The following P4HA1 variants were observed in gnomAD, a reference collection of about 807,000 sequenced individuals.
P4HA1 encodes the protein prolyl 4-hydroxylase subunit alpha 1.
Under a neutral mutation model 72.8 loss-of-function variants are expected in P4HA1, and 24 were observed. The observed-to-expected ratio is 0.33, with a 90% confidence interval of 0.24 to 0.46. The LOEUF (loss-of-function observed/expected upper bound fraction) is 0.46. Among genes scored for constraint, P4HA1 ranks in the 20% least tolerant of loss-of-function variants. The pLI is 1.00. For synonymous variants in P4HA1, 201 were observed against 218.8 expected (o/e 0.92, Z 0.72); for missense variants, 446 against 640.6 (o/e 0.70, Z 3.28).
intron 1 of P4HA1, among the ~76,000 whole-genome samples, chr10:73,093,562 G>A (rs7915269): frequency 0.07 from 10,596 of 151,750 alleles, 625 homozygotes; most frequent in East Asian, 0.3. Context: ...AGCTTTGGCC[G>A]GGCACGGTGG....
intron 14 of P4HA1, 187 bp downstream of exon 14, chr10:73,009,619 AT>A (rs1839868874): frequency 2.6e-6 from 1 of 384,302 alleles, no homozygotes; most frequent in Non-Finnish European, 4.4e-6. Flanking sequence ...ATAGTTAAAA[AT>A]AAAATCTGTC....
intron 4 of P4HA1, among the ~76,000 whole-genome samples, chr10:73,070,842 A>G (rs1841541926): frequency 6.6e-6 from 1 of 152,186 alleles, no homozygotes; most frequent in South Asian, 2.1e-4. Flanking sequence ...ATTATAAAAC[A>G]ACTTAGTTCA....
intron 9 of P4HA1, among the ~76,000 whole-genome samples, chr10:73,032,790 G>A (rs1840463328): frequency 6.6e-6 from 1 of 152,174 alleles, no homozygotes; most frequent in Non-Finnish European, 1.5e-5. Context: ...AAGAGAGAGA[G>A]CAAGAGAGAG....
In P4HA1 at chr10:73,007,646, G is replaced by A. The variant is rs1396371950; in HGVS notation, c.*576C>T. 6.6e-6 allele frequency: 1 copy of A among 150,714 alleles called. No homozygotes were observed. The highest frequency in any genetic ancestry group is 2.4e-5 in the African/African-American group (1 of 41,094). 9.3% of individuals were successfully genotyped at this position (150,714 alleles called of 1,614,324 possible). On this transcript the variant is annotated 3_prime_UTR_variant, in exon 15 of 15. Coordinates refer to ENST00000394890, the MANE Select transcript of P4HA1 (RefSeq NM_001017962.3). ...TTAATTCACCACAGAGGAGCTAAAAGAAAAGAGAGGGGGTTGGTAAAATAC... is the reference window on the plus strand; with the variant it reads ...TTAATTCACCACAGAGGAGCTAAAAAAAAAGAGAGGGGGTTGGTAAAATAC...
chr10:73,011,031 C>T lies in P4HA1; in HGVS notation c.1375G>A (p.Asp459Asn), dbSNP rs1258431298. ...RIATWLFYMS[D>N]VSAGGATVFP... ...ACAGTGGCTCCTCCTGCAGACACAT[C>T]ACTCATCTATAAGAAACAAGAGGGT... Residue 459 changes from aspartate to asparagine, a missense_variant, in exon 13 of 15, where the codon GAT (aspartate) becomes AAT (asparagine). By Grantham distance (23) the Asp-to-Asn change is conservative. Coordinates refer to ENST00000394890, the MANE Select transcript of P4HA1 (RefSeq NM_001017962.3). The T allele has an allele frequency of 9.9e-6, 16 of 1,612,918 alleles. No homozygotes were observed. Among genetic ancestry groups the T allele is most frequent in the Non-Finnish European group, 1.3e-5 (15 of 1,179,168 alleles).
Position 73,009,868 on chromosome 10 carries a change from A to G in P4HA1, c.1473T>C (p.Ser491=), listed in dbSNP as rs1839875408. 2 of 1,610,814 alleles carry G rather than the reference A, an allele frequency of 1.2e-6. No individual in the cohort carries two copies. The highest frequency in any genetic ancestry group is 1.7e-6 in the Non-Finnish European group (2 of 1,177,004). ...TAVFWYNLFA[S]GEGDYSTRHA... The stretch of plus-strand genomic sequence containing the variant: ...GCCGTGTACTATAATCTCCTTCTCC[A>G]CTGGCAAACAGATTATACCAGAAAA... Residue 491 remains serine (S), a synonymous_variant, in exon 14 of 15, where the codon AGT becomes AGC. Transcript: ENST00000394890.
chr10:73,088,808 A>AC (rs1841971561), intron 1 of P4HA1, among the ~76,000 whole-genome samples: 1 of 152,160 alleles, frequency 6.6e-6, no homozygotes, highest in Non-Finnish European at 1.5e-5. Context: ...TGAATTGACA[A>AC]TTTTTGTGTG....
intron 9 of P4HA1, chr10:73,043,929 T>G: frequency 1.9e-6 from 3 of 1,613,336 alleles, no homozygotes; most frequent in Non-Finnish European, 2.5e-6. Context: ...TTTTCCAGTC[T>G]CAGGGTCATG....
intron 1 of P4HA1, among the ~76,000 whole-genome samples, chr10:73,080,644 CG>C (rs751244865): frequency 6.6e-6 from 1 of 152,052 alleles, no homozygotes; most frequent in Non-Finnish European, 1.5e-5. Flanking sequence ...GGTTTCTAGC[CG>C]GGCATGGTGG....
intron 1 of P4HA1, 71 bp from the exon 2 acceptor site, chr10:73,074,986 T>C (rs1841663431): frequency 3.3e-6 from 2 of 607,652 alleles, no homozygotes; most frequent in Non-Finnish European, 5.9e-6. Context: ...CCTTATCTAT[T>C]ATTTCTATGA....
intron 9 of P4HA1, among the ~76,000 whole-genome samples, chr10:73,036,527 A>G (rs1158263576): frequency 6.6e-6 from 1 of 152,038 alleles, no homozygotes; most frequent in South Asian, 2.1e-4. Context: ...CTCCGGAGTA[A>G]CTGGAACTAC....
intron 9 of P4HA1, among the ~76,000 whole-genome samples, chr10:73,033,314 A>G (rs1840484363): frequency 6.6e-6 from 1 of 152,114 alleles, no homozygotes; most frequent in Admixed American, 6.6e-5. Context: ...GTGTCTTCTG[A>G]TATCTTCAAC....
intron 8 of P4HA1, among the ~76,000 whole-genome samples, chr10:73,046,645 G>C (rs1397392564): frequency 6.6e-6 from 1 of 152,094 alleles, no homozygotes; most frequent in Non-Finnish European, 1.5e-5. Context: ...AGTTTATCAG[G>C]AAGACAGTGA....
chr10:73,019,399 T>A (rs1018552300), intron 10 of P4HA1, among the ~76,000 whole-genome samples: 17 of 152,112 alleles, frequency 1.1e-4, no homozygotes, highest in Admixed American at 7.2e-4. Flanking sequence ...GCTGAGAATG[T>A]AACTCTCTAG....
intron 5 of P4HA1, among the ~76,000 whole-genome samples, chr10:73,056,105 T>C (rs1841142618): frequency 6.6e-6 from 1 of 152,184 alleles, no homozygotes; most frequent in South Asian, 2.1e-4. Context: ...ATACTACTAT[T>C]TTTCAGTTAT....
intron 1 of P4HA1, among the ~76,000 whole-genome samples, chr10:73,092,438 C>T (rs2133172179): frequency 6.8e-6 from 1 of 146,788 alleles, no homozygotes; most frequent in East Asian, 2.0e-4. Context: ...CAGCTTCCAA[C>T]TCTTGGGCTC....
At chr10:73,067,169 T>C (rs1028430797) in intron 5 of P4HA1, among the ~76,000 whole-genome samples, 22 of 152,246 alleles carry the variant, frequency 1.4e-4, no homozygotes, top group Middle Eastern at 3.4e-3. Flanking sequence ...ATGCCAGCCC[T>C]ATTTTGTTAA....
chr10:73,031,605 T>C (rs891160779), intron 9 of P4HA1, among the ~76,000 whole-genome samples: 12 of 151,394 alleles, frequency 7.9e-5, no homozygotes, highest in East Asian at 3.9e-4. Flanking sequence ...CAATAGATAA[T>C]AGAAAATAGA....
intron 12 of P4HA1, among the ~76,000 whole-genome samples, chr10:73,012,146 T>C (rs915892982): frequency 6.6e-6 from 1 of 152,096 alleles, no homozygotes; most frequent in African/African-American, 2.4e-5. Flanking sequence ...GAGAAACAGA[T>C]AGTGGGCCAA....
Sources: allele counts gnomAD v4.1 joint callset (sites outside exome capture counted in the v4.1 genomes callset), GRCh38; gene constraint gnomAD v4.1.1; transcripts MANE v1.5; gene names NCBI Gene and HGNC (gene_info 2026-07-23, HGNC 2026-07-21).